Variants in POLR1E observed in about 807,000 individuals in gnomAD.
POLR1E encodes the protein RNA polymerase I subunit E, also known as DNA-directed RNA polymerase I subunit RPA49.
POLR1E carries 37 observed loss-of-function variants against 50.9 expected under a neutral mutation model. That is an observed-to-expected ratio of 0.73 (90% CI 0.56 to 0.96). The LOEUF (loss-of-function observed/expected upper bound fraction) is 0.96. POLR1E is among the 40% of genes least tolerant of loss of function. POLR1E has a pLI of 0.00. For synonymous variants in POLR1E, 166 were observed against 191.6 expected, an observed-to-expected ratio of 0.87 and a Z score of 1.10; for missense variants, 426 against 518.1, an observed-to-expected ratio of 0.82 and a Z score of 1.73.
intron 9 of POLR1E, among the ~76,000 whole-genome samples, chr9:37,500,056 G>T (rs1820854937): frequency 6.6e-6 from 1 of 151,950 alleles, no homozygotes; most frequent in Admixed American, 6.6e-5. Context: ...TCACCATGTT[G>T]GTCAGGCTGG....
At chr9:37,498,554 C>T (rs888216871) in intron 9 of POLR1E, among the ~76,000 whole-genome samples, 3 of 152,206 alleles carry the variant, frequency 2.0e-5, no homozygotes, top group Non-Finnish European at 4.4e-5. Flanking sequence ...CTTTAAGGGA[C>T]TGTTAGAACA....
chr9:37,501,384 G>C (rs1820885310), intron 10 of POLR1E, among the ~76,000 whole-genome samples: 1 of 152,204 alleles, frequency 6.6e-6, no homozygotes, highest in East Asian at 1.9e-4. Context: ...CTGATTTCGG[G>C]ATGATTGTTT....
intron 3 of POLR1E, 32 bp from the exon 4 acceptor site, chr9:37,489,283 A>G (rs1425729172): frequency 1.4e-6 from 2 of 1,462,876 alleles, no homozygotes; most frequent in Non-Finnish European, 1.9e-6. Flanking sequence ...TGAATAATCC[A>G]TTGTTATTTG....
chr9:37,492,556 A>G (rs1472009402), intron 4 of POLR1E, 101 bp from the exon 5 acceptor site: 2 of 1,155,152 alleles, frequency 1.7e-6, no homozygotes, highest in Non-Finnish European at 2.5e-6. Context: ...TAGTAAAGAA[A>G]TCTATTATTC....
At chr9:37,490,497 C>G in intron 4 of POLR1E, 1 of 859,690 alleles carries the variant, frequency 1.2e-6, no homozygotes, top group East Asian at 2.4e-5. Flanking sequence ...GTGTGCTTCT[C>G]TGGGTGGAGC....
chr9:37,498,745 T>A (rs10973380), intron 9 of POLR1E, among the ~76,000 whole-genome samples: 1 of 152,098 alleles, frequency 6.6e-6, no homozygotes. Flanking sequence ...GGTCACACCC[T>A]CATACCTACC....
intron 6 of POLR1E, 59 bp from the exon 7 acceptor site, chr9:37,495,110 G>T (rs1309229526): frequency 7.2e-7 from 1 of 1,396,108 alleles, no homozygotes. Context: ...AGACTGAAAA[G>T]AATGTTGGGG....
In POLR1E at chr9:37,498,219, G is replaced by A; in HGVS notation, c.881G>A (p.Arg294Gln). Reference protein sequence around the residue: ...IKFRAHRVVKRKSALGPGVPH... With the variant: ...IKFRAHRVVKQKSALGPGVPH... ...TTTCGAGCTCATAGGGTAGTTAAGCGGAAAAGTAAGTCTATGATAAACATT... is the reference window on the plus strand; with the variant it reads ...TTTCGAGCTCATAGGGTAGTTAAGCAGAAAAGTAAGTCTATGATAAACATT... The change falls in exon 9 of 12, where the codon CGG (arginine) becomes CAG (glutamine). Residue 294 changes from arginine to glutamine, a missense_variant. Transcript: ENST00000377798. 6.8e-6 allele frequency: 11 copies of A among 1,611,686 alleles called. No homozygotes were observed. The highest frequency in any genetic ancestry group is 1.1e-5 in the South Asian group (1 of 90,626).
rs550625200 is a variant in POLR1E, at chr9:37,496,223, C to A, written c.752+237C>A. ...TGCGACAGGGCAGAGGGTGGTGAGG[C>A]CTTCTACTCTGGGGCTGGGAACTAG... On this transcript the variant is annotated intron_variant, in intron 8 of 11. Coordinates refer to ENST00000377798, the MANE Select transcript of POLR1E (RefSeq NM_022490.4). Among the ~76,000 whole-genome samples, 80 of 152,212 alleles carry A rather than the reference C, an allele frequency of 5.3e-4. 1 individual carries two copies. The highest frequency in any genetic ancestry group is 1.6e-3 in the African/African-American group (67 of 41,516).
chr9:37,495,235 A>G lies in POLR1E; in HGVS notation c.614A>G (p.Asp205Gly), dbSNP rs773387163. The change falls in exon 7 of 12, where the codon GAT becomes GGT. Residue 205 changes from aspartate to glycine, a missense_variant. Physicochemically the swap from Asp to Gly is moderately conservative, Grantham distance 94 (BLOSUM62 -1). Coordinates refer to ENST00000377798, the MANE Select transcript of POLR1E (RefSeq NM_022490.4). ...TCCCTCTACCTTCCTCCCTGCTATGATGATGCAGCCAAGCCTGAAGACGTG... is the reference window on the plus strand; with the variant it reads ...TCCCTCTACCTTCCTCCCTGCTATGGTGATGCAGCCAAGCCTGAAGACGTG... Reference protein sequence around the residue: ...DDSLYLPPCYDDAAKPEDVYK... With the variant: ...DDSLYLPPCYGDAAKPEDVYK... 14 of 1,614,010 alleles carry G rather than the reference A, an allele frequency of 8.7e-6. No individual in the cohort carries two copies. The highest frequency in any genetic ancestry group is 1.0e-5 in the Non-Finnish European group (12 of 1,180,000).
rs1820929448 is a variant in POLR1E at position 37,503,408 on chromosome 9, C to G, written c.*206C>G. 3 of 456,416 alleles carry G rather than the reference C, an allele frequency of 6.6e-6. No individual in the cohort carries two copies. The highest frequency in any genetic ancestry group is 5.6e-5 in the South Asian group (1 of 17,774). The allele number at this position is 456,416 out of a possible 1,614,324, so 28.3% of individuals were successfully genotyped here. On this transcript the variant is annotated 3_prime_UTR_variant, in exon 12 of 12. Transcript: ENST00000377798. ...TCTGGACAACATAGGGAGACCCCAT[C>G]TCTACCGGAGGAAAAAAAAAAGAGT... is the stretch of plus-strand genomic sequence containing the variant.
Position 37,489,337 on chromosome 9 carries a change from A to C in POLR1E, c.280A>C (p.Lys94Gln), listed in dbSNP as rs780331377. The C allele has an allele frequency of 1.9e-6, 3 of 1,600,754 alleles. No individual in the cohort carries two copies. The highest frequency in any genetic ancestry group is 2.5e-6 in the Non-Finnish European group (3 of 1,176,740). ...LCRHFVGILN[K>Q]TSGQMEVYDA... ...CAGGCACTTTGTGGGAATTTTGAAC[A>C]AGACCTCTGGCCAAATGGAAGTATA... The change falls in exon 4 of 12, where the codon AAG (lysine) becomes CAG (glutamine). Residue 94 changes from lysine (K) to glutamine (Q), a missense_variant. Lys to Gln is a moderately conservative substitution (Grantham distance 53, BLOSUM62 1). Transcript: ENST00000377798.
intron 10 of POLR1E, 86 bp downstream of exon 10, chr9:37,501,007 C>G: frequency 7.7e-7 from 1 of 1,302,698 alleles, no homozygotes; most frequent in South Asian, 1.3e-5. Context: ...GGACTCAATT[C>G]CATGTCCACG....
In POLR1E at chr9:37,486,053, G is replaced by C; in HGVS notation, c.6G>C (p.Ala2=). The part of the protein sequence containing the change: M[A]AEVLPSARWQ... ...TTGGCGGACAGACAGGCGAGATGGC[G>C]GCGGAGGTGTTGCCGAGTGCGAGGT... The change falls in exon 1 of 12, where the codon GCG becomes GCC. Residue 2 remains alanine (A), a synonymous_variant. Coordinates refer to ENST00000377798, the MANE Select transcript of POLR1E (RefSeq NM_022490.4). 1 of 1,600,204 alleles carries C rather than the reference G, an allele frequency of 6.2e-7. No individual in the cohort carries two copies. Among genetic ancestry groups the C allele is most frequent in the Non-Finnish European group, 8.5e-7 (1 of 1,175,136 alleles).
chr9:37,486,137 A>G lies in POLR1E; in HGVS notation c.76+14A>G, dbSNP rs1269225844. ...GAGCTGTACTGGGTAAAGACTGCGGAGCTGGAGCAGTGCTCCTCTAACCCT... is the reference window on the plus strand; with the variant it reads ...GAGCTGTACTGGGTAAAGACTGCGGGGCTGGAGCAGTGCTCCTCTAACCCT... On this transcript the variant is annotated intron_variant, in intron 1 of 11. Transcript: ENST00000377798. 1.3e-6 allele frequency: 2 copies of G among 1,584,830 alleles called. No homozygotes were observed. The highest frequency in any genetic ancestry group is 1.7e-6 in the Non-Finnish European group (2 of 1,167,030).
chr9:37,489,455 A>AT lies in POLR1E; in HGVS notation c.343+56dup, dbSNP rs1225717411. On this transcript the variant is annotated intron_variant, in intron 4 of 11. Transcript: ENST00000377798. ...ATAATGCATAGTTTGGGTTTGCTGG[A>AT]TGAGTTGGCTTGAGTTTTAGATTTA... is the stretch of plus-strand genomic sequence containing the variant. 2.4e-6 allele frequency: 3 copies of AT among 1,242,110 alleles called. No individual in the cohort carries two copies. The Admixed American group carries it at 7.5e-5, about 31-fold the overall frequency. 76.9% of individuals were successfully genotyped at this position (1,242,110 alleles called of 1,614,324 possible). A position where few individuals can be genotyped will look rare whatever the true frequency, so the allele number is the denominator to read the frequency against.
At chr9:37,486,567 T>C in intron 1 of POLR1E, 136 bp from the exon 2 acceptor site, 1 of 1,603,824 alleles carries the variant, frequency 6.2e-7, no homozygotes, top group Non-Finnish European at 8.5e-7. Flanking sequence ...CCAGTTCCCT[T>C]TGGGTCAGGA....
chr9:37,496,623 C>CTTTTTTTT (rs376455174), intron 8 of POLR1E, among the ~76,000 whole-genome samples: 10 of 112,472 alleles, frequency 8.9e-5, no homozygotes, highest in Non-Finnish European at 1.3e-4. Flanking sequence ...ATTATTATTT[C>CTTTTTTTT]TTTTTTTTTT....
rs1820697656 is a variant in POLR1E, at chr9:37,492,175, G to A, written c.344-482G>A. ...AGATAACAGGCAAGGCCACTCCAGA[G>A]CTTGTACTGTTGTGTACTAAGTTAT... On this transcript the variant is annotated intron_variant, in intron 4 of 11. Transcript: ENST00000377798. The A allele has an allele frequency of 3.9e-6, 4 of 1,029,760 alleles. No homozygotes were observed. The African/African-American group carries it at 5.0e-5, about 13-fold the overall frequency. The allele number at this position is 1,029,760 out of a possible 1,614,324, so 63.8% of individuals were successfully genotyped here.
Sources: gnomAD v4.1 joint callset for allele counts (sites outside exome capture counted in the v4.1 genomes callset) on GRCh38, gnomAD v4.1.1 for gene constraint, MANE v1.5 for transcripts, NCBI Gene and HGNC (gene_info 2026-07-23, HGNC 2026-07-21) for gene names.